PRKDC: variants seen among roughly 807,000 people sequenced by gnomAD.
PRKDC encodes DNA-dependent protein kinase catalytic subunit.
Under a neutral mutation model 486.9 loss-of-function variants are expected in PRKDC, and 82 were observed. The ratio of observed to expected loss-of-function variants is 0.17; its 90% CI spans 0.14 to 0.20. The LOEUF (loss-of-function observed/expected upper bound fraction) is 0.20, where lower values mean the gene tolerates loss of function less well. Among genes scored for constraint, PRKDC ranks in the 10% least tolerant of loss-of-function variants. The pLI is 1.00. For synonymous variants in PRKDC, 1,895 were observed against 1,837.0 expected (o/e 1.03, Z -0.81); for missense variants, 4,504 against 5,038.2 (o/e 0.89, Z 3.21).
chr8:47,882,178 C>T, intron 36 of PRKDC, 81 bp from the exon 37 acceptor site: 1 of 1,304,336 alleles, frequency 7.7e-7, no homozygotes, highest in Non-Finnish European at 1.1e-6. Flanking sequence ...TATTTCAAAG[C>T]TATTCTTGGA....
chr8:47,892,244 G>A (rs1475712868), intron 31 of PRKDC, among the ~76,000 whole-genome samples: 3 of 152,080 alleles, frequency 2.0e-5, no homozygotes, highest in African/African-American at 7.2e-5. Context: ...TACATTTTAT[G>A]TGTAATAATT....
intron 26 of PRKDC, 87 bp from the exon 27 acceptor site, chr8:47,902,882 AAAGT>A: frequency 1.0e-6 from 1 of 968,436 alleles, no homozygotes; most frequent in East Asian, 2.7e-5. Flanking sequence ...GAGCATAACT[AAAGT>A]ATGTTAAAAA....
rs985127259 is a variant in PRKDC at position 47,812,476 on chromosome 8, G to C, written c.9557+4974C>G. Among the ~76,000 whole-genome samples the C allele has an allele frequency of 3.9e-5, 6 of 152,190 alleles. No homozygotes were observed. In the South Asian group the frequency reaches 8.3e-4, roughly 21 times the overall value. ...AATTTAGAAATCACTAAGATAGCCA[G>C]AAAACCCAGGTATTTGGAAATTAAA... is the stretch of plus-strand genomic sequence containing the variant. On this transcript the variant is annotated intron_variant, in intron 68 of 85. Transcript: ENST00000314191.
intron 59 of PRKDC, among the ~76,000 whole-genome samples, chr8:47,833,112 G>A (rs573663624): frequency 6.6e-6 from 1 of 152,252 alleles, no homozygotes; most frequent in South Asian, 2.1e-4. Context: ...CTGAACAACC[G>A]CCACCAGCAC....
intron 16 of PRKDC, 94 bp from the exon 17 acceptor site, chr8:47,930,881 ATGCTACGAAGAAAGAT>A: frequency 1.7e-6 from 2 of 1,211,460 alleles, no homozygotes; most frequent in Non-Finnish European, 2.3e-6. Context: ...TCAAGGCCTG[ATGCTACGAAGAAAGAT>A]TGCAACAGCG....
intron 65 of PRKDC, among the ~76,000 whole-genome samples, chr8:47,821,322 C>T (rs1314869768): frequency 6.6e-6 from 1 of 152,132 alleles, no homozygotes; most frequent in Non-Finnish European, 1.5e-5. Context: ...TCCGGGGCGA[C>T]TTCTTGTAAT....
chr8:47,935,119 C>CAA, intron 13 of PRKDC, 61 bp from the exon 14 acceptor site: 7 of 1,100,844 alleles, frequency 6.4e-6, no homozygotes, highest in South Asian at 1.6e-5. Context: ...TCAAAACTCA[C>CAA]AAAAAAAAAC....
intron 32 of PRKDC, 122 bp from the exon 33 acceptor site, chr8:47,889,344 G>A (rs1233365652): frequency 1.3e-6 from 1 of 769,874 alleles, no homozygotes; most frequent in Admixed American, 2.9e-5. Flanking sequence ...GAGTTTCTCT[G>A]TAAAACGGGG....
At chr8:47,803,268 C>T (rs751584744) in intron 70 of PRKDC, 38 bp downstream of exon 70, 1 of 1,558,462 alleles carries the variant, frequency 6.4e-7, no homozygotes, top group Non-Finnish European at 8.7e-7. Flanking sequence ...TATAACACAG[C>T]CCTTTAAGAT....
chr8:47,855,408 G>T, intron 49 of PRKDC, 35 bp from the exon 50 acceptor site: 1 of 1,525,922 alleles, frequency 6.6e-7, no homozygotes, highest in Non-Finnish European at 8.8e-7. Context: ...TTAATATGCG[G>T]CATTCCATTC....
At position 47,889,066 on chromosome 8, in the gene PRKDC, G is replaced by A. The variant is rs781610542; in HGVS notation, c.4228C>T (p.Pro1410Ser). The change falls in exon 33 of 86, where the codon CCA (proline) becomes TCA (serine). Residue 1410 changes from proline (P) to serine (S), a missense_variant. Around this residue, in one of 6 missense-constraint regions of PRKDC, gnomAD observed 1,969 missense variants for 2,068.9 expected, o/e 0.95. Coordinates refer to ENST00000314191, the MANE Select transcript of PRKDC (RefSeq NM_006904.7). ...TGGGTCTCTAGGATATCTTTGTATG[G>A]GGACATCTTTAGAGCTTTCATCAGA... is the stretch of plus-strand genomic sequence containing the variant. Reference protein sequence around the residue: ...VNLMKALKMSPYKDILETHLR... With the variant: ...VNLMKALKMSSYKDILETHLR... 6.2e-7 allele frequency: 1 copy of A among 1,613,840 alleles called. No homozygotes were observed. The highest frequency in any genetic ancestry group is 1.3e-5 in the African/African-American group (1 of 74,986).
At chr8:47,821,964 A>G (rs1484854801) in intron 64 of PRKDC, among the ~76,000 whole-genome samples, 172 bp from the exon 65 acceptor site, 2 of 152,206 alleles carry the variant, frequency 1.3e-5, no homozygotes, top group African/African-American at 4.8e-5. Context: ...AGAAAAACCA[A>G]AAGGAATCCT....
intron 25 of PRKDC, among the ~76,000 whole-genome samples, chr8:47,908,711 G>C (rs1416762015): frequency 6.6e-6 from 1 of 152,172 alleles, no homozygotes; most frequent in African/African-American, 2.4e-5. Flanking sequence ...GCAGGTGAAA[G>C]GGGTGACGTG....
intron 1 of PRKDC, among the ~76,000 whole-genome samples, chr8:47,959,709 G>A: frequency 6.6e-6 from 1 of 151,804 alleles, no homozygotes; most frequent in East Asian, 1.9e-4. Flanking sequence ...CTCTTGCCCT[G>A]CCCCCCACTC....
intron 34 of PRKDC, 56 bp from the exon 35 acceptor site, chr8:47,887,761 CA>C (rs745594547): frequency 4.4e-4 from 662 of 1,502,198 alleles, no homozygotes; most frequent in Middle Eastern, 5.8e-4. Context: ...TAGAAAAAAA[CA>C]ACTTCACTCC....
At chr8:47,939,893 T>C (rs1016886694) in intron 10 of PRKDC, 196 bp from the exon 11 acceptor site, 8 of 353,440 alleles carry the variant, frequency 2.3e-5, no homozygotes, top group Non-Finnish European at 4.0e-5. Context: ...TAAATAAGGC[T>C]ATGTGATACA....
rs773382230 is a variant in PRKDC at position 47,887,729 on chromosome 8, TG to T, written c.4414-25del. ...GACTAAAAGGAAGCCAACACTGAAA[TG>T]CCTAGCAAAAAGATATTTCTTAGAA... On this transcript the variant is annotated intron_variant, in intron 34 of 85. Coordinates refer to ENST00000314191, the MANE Select transcript of PRKDC (RefSeq NM_006904.7). 8 of 1,574,538 alleles carry T rather than the reference TG, an allele frequency of 5.1e-6. No individual in the cohort carries two copies. In the South Asian group the frequency reaches 7.2e-5, roughly 14 times the overall value.
At chr8:47,788,173 G>A (rs1224530342) in intron 76 of PRKDC, among the ~76,000 whole-genome samples, 1 of 152,258 alleles carries the variant, frequency 6.6e-6, no homozygotes, top group Non-Finnish European at 1.5e-5. Flanking sequence ...TTTTAGGTGA[G>A]AGAGGAAGAA....
intron 78 of PRKDC, among the ~76,000 whole-genome samples, chr8:47,783,214 G>A (rs1439823441): frequency 6.7e-6 from 1 of 149,664 alleles, no homozygotes; most frequent in Admixed American, 6.7e-5. Context: ...GGGTGTGGAG[G>A]TTGCAACGAG....
Sources: allele counts gnomAD v4.1 joint callset (sites outside exome capture counted in the v4.1 genomes callset), GRCh38; gene constraint gnomAD v4.1.1; regional missense constraint gnomAD v4.1.1; transcripts MANE v1.5; gene names NCBI Gene and HGNC (gene_info 2026-07-23, HGNC 2026-07-21).